Variants in TNRC6B observed in about 807,000 individuals in gnomAD.
TNRC6B encodes trinucleotide repeat containing adaptor 6B.
A neutral mutation model predicts 203.6 loss-of-function variants in TNRC6B; 52 were observed. The ratio of observed to expected loss-of-function variants is 0.26; its 90% CI spans 0.20 to 0.32. The LOEUF is 0.32. TNRC6B is among the 10% of genes least tolerant of loss of function. TNRC6B has a pLI of 1.00. For missense variants in TNRC6B, 1,923 were observed against 2,286.2 expected, an observed-to-expected ratio of 0.84 and a Z score of 3.24; for synonymous variants, 838 against 845.7, an observed-to-expected ratio of 0.99 and a Z score of 0.16.
chr22:40,077,546 A>AC (rs1338415263), intron 1 of TNRC6B, among the ~76,000 whole-genome samples: 1 of 152,074 alleles, frequency 6.6e-6, no homozygotes, highest in Non-Finnish European at 1.5e-5. Flanking sequence ...AATCACACAT[A>AC]CGGTGATTCA....
At chr22:40,310,751 T>TA in intron 16 of TNRC6B, 66 bp from the exon 17 acceptor site, 2 of 1,473,038 alleles carry the variant, frequency 1.4e-6, no homozygotes, top group Non-Finnish European at 1.8e-6. Flanking sequence ...TTCCAGCGAA[T>TA]AAAAAATAGA....
intron 3 of TNRC6B, among the ~76,000 whole-genome samples, chr22:40,154,155 C>T (rs1340292512): frequency 6.6e-6 from 1 of 151,868 alleles, no homozygotes; most frequent in East Asian, 1.9e-4. Context: ...TCAGCCTTTT[C>T]TTTATATCTT....
intron 1 of TNRC6B, among the ~76,000 whole-genome samples, chr22:40,079,501 T>C (rs1169270125): frequency 1.3e-5 from 2 of 152,144 alleles, no homozygotes; most frequent in African/African-American, 4.8e-5. Context: ...AAATTTATAT[T>C]CTACTCCATG....
At chr22:40,214,134 G>A (rs1300383526) in intron 1 of TNRC6B, among the ~76,000 whole-genome samples, 1 of 152,128 alleles carries the variant, frequency 6.6e-6, no homozygotes, top group Non-Finnish European at 1.5e-5. Context: ...GGGCGTGGTG[G>A]TGCGCACCTG....
At chr22:40,205,037 G>A (rs1039097821) in intron 1 of TNRC6B, among the ~76,000 whole-genome samples, 18 of 152,198 alleles carry the variant, frequency 1.2e-4, no homozygotes, top group Admixed American at 1.2e-3. Context: ...GCTAAGAGCA[G>A]TTTGCCTAAC....
intron 1 of TNRC6B, among the ~76,000 whole-genome samples, chr22:40,070,795 CTAA>C (rs2067939955): frequency 6.7e-6 from 1 of 149,708 alleles, no homozygotes; most frequent in Non-Finnish European, 1.5e-5. Context: ...TTTTTGAAAA[CTAA>C]TAAGATGCAC....
At chr22:40,097,055 T>A (rs2068191350) in intron 1 of TNRC6B, among the ~76,000 whole-genome samples, 1 of 151,962 alleles carries the variant, frequency 6.6e-6, no homozygotes, top group Non-Finnish European at 1.5e-5. Context: ...ATCAGGGGAG[T>A]TCACCCTGGT....
intron 3 of TNRC6B, among the ~76,000 whole-genome samples, chr22:40,126,844 G>C (rs2068498373): frequency 6.6e-6 from 1 of 150,746 alleles, no homozygotes; most frequent in Admixed American, 6.6e-5. Flanking sequence ...ACCCACCTAG[G>C]TCTTCCAAAG....
At chr22:40,126,022 T>A (rs2068490344) in intron 3 of TNRC6B, among the ~76,000 whole-genome samples, 1 of 152,246 alleles carries the variant, frequency 6.6e-6, no homozygotes, top group South Asian at 2.1e-4. Flanking sequence ...TTCAGTATAC[T>A]TTTTAATCCT....
chr22:40,181,971 C>A (rs1228972650), intron 1 of TNRC6B, among the ~76,000 whole-genome samples: 1 of 148,918 alleles, frequency 6.7e-6, no homozygotes, highest in Non-Finnish European at 1.5e-5. Flanking sequence ...GCCAGCCGGG[C>A]GTGGTGGCTC....
chr22:40,233,539 T>G (rs1330833601), intron 1 of TNRC6B, among the ~76,000 whole-genome samples: 3 of 146,614 alleles, frequency 2.0e-5, no homozygotes, highest in African/African-American at 7.7e-5. Flanking sequence ...GGAGAATCGC[T>G]TGAACTCAGG....
chr22:40,211,790 T>A (rs916557504), intron 1 of TNRC6B, among the ~76,000 whole-genome samples: 2 of 152,122 alleles, frequency 1.3e-5, no homozygotes, highest in Non-Finnish European at 2.9e-5. Context: ...TAGGGAGATA[T>A]CTCCATTTTA....
intron 1 of TNRC6B, among the ~76,000 whole-genome samples, chr22:40,068,283 A>G (rs2067914070): frequency 6.6e-6 from 1 of 152,092 alleles, no homozygotes; most frequent in Admixed American, 6.5e-5. Context: ...TAGTAGATAG[A>G]GTGGATACTC....
chr22:40,314,632 C>G (rs1400675995), intron 19 of TNRC6B, among the ~76,000 whole-genome samples: 1 of 152,208 alleles, frequency 6.6e-6, no homozygotes, highest in Non-Finnish European at 1.5e-5. Flanking sequence ...CGTTCTTGAT[C>G]CCCTCTGCAT....
At chr22:40,067,177 T>G (rs2067901698) in intron 1 of TNRC6B, among the ~76,000 whole-genome samples, 1 of 152,164 alleles carries the variant, frequency 6.6e-6, no homozygotes, top group Non-Finnish European at 1.5e-5. Context: ...GTAAAGAAAC[T>G]GATATCACTC....
chr22:40,115,226 C>A (rs1173457691), intron 1 of TNRC6B, among the ~76,000 whole-genome samples: 1 of 152,174 alleles, frequency 6.6e-6, no homozygotes, highest in African/African-American at 2.4e-5. Flanking sequence ...AGGGTTGGCA[C>A]ACTATTTGGA....
rs566039988 is a variant in TNRC6B at position 40,152,988 on chromosome 22, A to G, written c.46-3127A>G. ...GTAGTGGCACACATCTGTAGTCCCAACTACTCGGGAGGCTGAGACAGGAGA... is the reference window on the plus strand; with the variant it reads ...GTAGTGGCACACATCTGTAGTCCCAGCTACTCGGGAGGCTGAGACAGGAGA... On this transcript the variant is annotated intron_variant, in intron 3 of 23. Transcript: ENST00000301923. Among the ~76,000 whole-genome samples the G allele has an allele frequency of 5.9e-5, 9 of 151,852 alleles. No individual in the cohort carries two copies. The East Asian group carries it at 1.2e-3, about 20-fold the overall frequency.
chr22:40,272,984 C>G (rs2413620), intron 6 of TNRC6B, among the ~76,000 whole-genome samples: 30,459 of 152,208 alleles, frequency 0.2, 3,627 homozygotes, highest in Admixed American at 0.34. Flanking sequence ...GACAGTTGTC[C>G]TTTATCATAC....
At chr22:40,264,618 G>C in intron 4 of TNRC6B, 70 bp from the exon 5 acceptor site, 1 of 1,467,826 alleles carries the variant, frequency 6.8e-7, no homozygotes, top group Non-Finnish European at 9.1e-7. Flanking sequence ...TCAAAGGAGA[G>C]CCCCTTTGAG....
Sources: allele counts gnomAD v4.1 joint callset (sites outside exome capture counted in the v4.1 genomes callset), GRCh38; gene constraint gnomAD v4.1.1; transcripts MANE v1.5; gene names NCBI Gene and HGNC (gene_info 2026-07-23, HGNC 2026-07-21).